The following RECQL4 variants were observed in gnomAD, a reference collection of about 807,000 sequenced individuals.
The protein encoded by RECQL4 is RecQ like helicase 4.
Under a neutral mutation model 128.6 loss-of-function variants are expected in RECQL4, and 158 were observed. The observed-to-expected ratio is 1.23, with a 90% CI of 1.08 to 1.40. The LOEUF is 1.40. RECQL4 is among the 40% of genes most tolerant of loss of function. The pLI is 0.00. For missense variants in RECQL4, 2,293 were observed against 1,649.8 expected (o/e 1.39, Z -6.75); for synonymous variants, 996 against 678.9 (o/e 1.47, Z -7.26).
Position 144,515,946 on chromosome 8 carries a change from G to A in RECQL4, c.1131+42C>T, listed in dbSNP as rs747382437. The A allele has an allele frequency of 6.8e-6, 11 of 1,611,850 alleles. No homozygotes were observed. In the African/African-American group the frequency reaches 9.3e-5, roughly 14 times the overall value. On this transcript the variant is annotated intron_variant, in intron 5 of 20. Coordinates refer to ENST00000617875, the MANE Select transcript of RECQL4 (RefSeq NM_004260.4). ...GGCGGGAAATACGGGAGGGCTGAGG[G>A]GAGGGAAAGGGAATGCCTGTCCTGG...
chr8:144,511,434 G>T lies in RECQL4; in HGVS notation c.3624C>A (p.Arg1208=), dbSNP rs56341125. The change falls in exon 21 of 21, where the codon CGC becomes CGA. Residue 1208 remains arginine (R), a synonymous_variant. Coordinates refer to ENST00000617875, the MANE Select transcript of RECQL4 (RefSeq NM_004260.4). ...GACATCCCCCAATGCAGTGCAGTCA[G>T]CGGGCCACCTGCAGGAGCTCTTCCG... ...LATEELLQVA[R] The T allele has an allele frequency of 1.7e-5, 28 of 1,612,384 alleles. No homozygotes were observed. The African/African-American group carries it at 3.1e-4, about 18-fold the overall frequency.
At position 144,515,971 on chromosome 8, in the gene RECQL4, G is replaced by A. The variant is rs2130714925; in HGVS notation, c.1131+17C>T. ...GGAGGGAAAGGGAATGCCTGTCCTG[G>A]CCCGTCGCTGTCTTACCTGCTTGCG... On this transcript the variant is annotated intron_variant, in intron 5 of 20. Coordinates refer to ENST00000617875, the MANE Select transcript of RECQL4 (RefSeq NM_004260.4). 2.5e-6 allele frequency: 4 copies of A among 1,610,902 alleles called. No individual in the cohort carries two copies. The highest frequency in any genetic ancestry group is 3.4e-6 in the Non-Finnish European group (4 of 1,178,484).
chr8:144,512,247 C>T lies in RECQL4; in HGVS notation c.3133G>A (p.Ala1045Thr), dbSNP rs35348691. The T allele has an allele frequency of 7.9e-4, 1,266 of 1,612,438 alleles. 6 individuals are homozygous for T. The African/African-American group carries it at 0.011, about 14-fold the overall frequency. ...TCACATATCTGGTCCTTCTCCTCAG[C>T]GGTCAAGTCCCCCGGGCTGCGAAGG... ...FHLRSPGDLT[A>T]EEKDQICDFL... Residue 1045 changes from alanine to threonine, a missense_variant, in exon 18 of 21, where the codon GCT becomes ACT. Physicochemically the swap from Ala to Thr is moderately conservative, Grantham distance 58. Transcript: ENST00000617875.
rs931761657 is a variant in RECQL4 at position 144,513,384 on chromosome 8, C to T, written c.2297G>A (p.Arg766Gln). 1.0e-4 allele frequency: 168 copies of T among 1,607,684 alleles called. No individual in the cohort carries two copies. The highest frequency in any genetic ancestry group is 1.2e-4 in the Non-Finnish European group (144 of 1,179,684). ...VQRAFMQGQLRVVVATVAFGM... is the reference protein window; with the variant it reads ...VQRAFMQGQLQVVVATVAFGM... Reference sequence around the variant, plus strand: ...AAAGGCCACCGTGGCCACCACCACCCGCAACTGGCCCTGCATGAAGGCTCG... The same window carrying T: ...AAAGGCCACCGTGGCCACCACCACCTGCAACTGGCCCTGCATGAAGGCTCG... The change falls in exon 14 of 21, where the codon CGG (arginine) becomes CAG (glutamine). Residue 766 changes from arginine (R) to glutamine (Q), a missense_variant. Arg to Gln is a conservative substitution (Grantham distance 43). Coordinates refer to ENST00000617875, the MANE Select transcript of RECQL4 (RefSeq NM_004260.4).
At position 144,517,147 on chromosome 8, in the gene RECQL4, G is replaced by A. The variant is rs1207989827; in HGVS notation, c.257C>T (p.Ala86Val). 6.2e-7 allele frequency: 1 copy of A among 1,610,924 alleles called. No individual in the cohort carries two copies. The highest frequency in any genetic ancestry group is 2.2e-5 in the East Asian group (1 of 44,846). The change falls in exon 4 of 21, where the codon GCG becomes GTG. Residue 86 changes from alanine (A) to valine (V), a missense_variant. By Grantham distance (64) the Ala-to-Val change is moderately conservative. Coordinates refer to ENST00000617875, the MANE Select transcript of RECQL4 (RefSeq NM_004260.4). Reference sequence around the variant, plus strand: ...TGGCGTAGACTGTGGACTCTTGGTCGCAGCCCGATTCAGATGGGGCCCCCA... The same window carrying A: ...TGGCGTAGACTGTGGACTCTTGGTCACAGCCCGATTCAGATGGGGCCCCCA... ...RCWGPHLNRA[A>V]TKSPQSTPGR...
intron 8 of RECQL4, 21 bp from the exon 9 acceptor site, chr8:144,515,093 C>T (rs1176935498): frequency 6.3e-7 from 1 of 1,594,334 alleles, no homozygotes; most frequent in East Asian, 2.3e-5. Context: ...CGGGAGTCAG[C>T]AGCAGGGTTC....
At position 144,514,300 on chromosome 8, in the gene RECQL4, G is replaced by A. The variant is rs1485975717; in HGVS notation, c.1767C>T (p.Gly589=). The A allele has an allele frequency of 3.1e-6, 5 of 1,610,606 alleles. No individual in the cohort carries two copies. Among genetic ancestry groups the A allele is most frequent in the African/African-American group, 2.7e-5 (2 of 74,876 alleles). Residue 589 remains glycine (G), a synonymous_variant, in exon 11 of 21, where the codon GGC becomes GGT. Coordinates refer to ENST00000617875, the MANE Select transcript of RECQL4 (RefSeq NM_004260.4). ...LTPEALVGAG[G]LPPAAQLPPV... is the part of the protein sequence containing the mutation. Reference sequence around the variant, plus strand: ...GAGGCAGCTGTGCGGCTGGAGGGAGGCCTCCCGCCCCCACCAGTGCCTCAG... The same window carrying A: ...GAGGCAGCTGTGCGGCTGGAGGGAGACCTCCCGCCCCCACCAGTGCCTCAG...
intron 6 of RECQL4, 111 bp downstream of exon 6, chr8:144,515,653 G>A (rs888089607): frequency 1.3e-5 from 19 of 1,476,650 alleles, no homozygotes; most frequent in African/African-American, 8.3e-5. Flanking sequence ...GTAGGGCCTG[G>A]ACCAGGGGTA....
chr8:144,512,468 C>T lies in RECQL4; in HGVS notation c.2979G>A (p.Val993=). 6.2e-7 allele frequency: 1 copy of T among 1,612,284 alleles called. No individual in the cohort carries two copies. The highest frequency in any genetic ancestry group is 8.5e-7 in the Non-Finnish European group (1 of 1,179,720). The change falls in exon 17 of 21, where the codon GTG becomes GTA. Residue 993 remains valine (V), a synonymous_variant. Coordinates refer to ENST00000617875, the MANE Select transcript of RECQL4 (RefSeq NM_004260.4). ...AGGCCAGCTCCCAGCCCATGGAGTC[C>T]ACCAGCTTGACCATGTCAAACTCCA... ...SSVEFDMVKL[V]DSMGWELASV... is the part of the protein sequence containing the mutation.
chr8:144,513,601 G>C lies in RECQL4; in HGVS notation c.2170C>G (p.Leu724Val), dbSNP rs536831548. The change falls in exon 13 of 21, where the codon CTG (leucine) becomes GTG (valine). Residue 724 changes from leucine (L) to valine (V), a missense_variant. By Grantham distance (32) the Leu-to-Val change is conservative (BLOSUM62 1). Transcript: ENST00000617875. ...ERIAALLRTC[L>V]HAAWVPGSGG... The stretch of plus-strand genomic sequence containing the variant: ...GACCCTGGGACCCAGGCTGCGTGCA[G>C]GCAGGTTCGGAGGAGCGCAGCGATC... 6.2e-6 allele frequency: 10 copies of C among 1,608,374 alleles called. No individual in the cohort carries two copies. In the East Asian group the frequency reaches 2.2e-4, roughly 36 times the overall value.
chr8:144,512,176 G>A lies in RECQL4; in HGVS notation c.3204C>T (p.Ala1068=), dbSNP rs764423233. The part of the protein sequence containing the change: ...RVQARERQAL[A]RLRRTFQAFH... Reference sequence around the variant, plus strand: ...AGGCCTGGAAGGTTCTGCGCAGACGGGCCAGGGCCTGGCGCTCCCGGGCCT... The same window carrying A: ...AGGCCTGGAAGGTTCTGCGCAGACGAGCCAGGGCCTGGCGCTCCCGGGCCT... Residue 1068 remains alanine (A), a synonymous_variant, in exon 18 of 21, where the codon GCC becomes GCT. Transcript: ENST00000617875. The A allele has an allele frequency of 4.3e-6, 7 of 1,611,446 alleles. No homozygotes were observed. Among genetic ancestry groups the A allele is most frequent in the Admixed American group, 3.3e-5 (2 of 59,918 alleles).
rs1470178984 is a variant in RECQL4 at position 144,513,205 on chromosome 8, G to A, written c.2463+13C>T. ...GCTCGAGCACTGGCAGTGTGGGGGGGGGGGGTGCCAACCTGGGGCTGCAGG... is the reference window on the plus strand; with the variant it reads ...GCTCGAGCACTGGCAGTGTGGGGGGAGGGGGTGCCAACCTGGGGCTGCAGG... On this transcript the variant is annotated intron_variant, in intron 14 of 20. Transcript: ENST00000617875. 7 of 1,563,278 alleles carry A rather than the reference G, an allele frequency of 4.5e-6. No individual in the cohort carries two copies. The highest frequency in any genetic ancestry group is 1.7e-5 in the Admixed American group (1 of 58,184).
chr8:144,515,334 T>C lies in RECQL4; in HGVS notation c.1382A>G (p.Gln461Arg). Residue 461 changes from glutamine (Q) to arginine (R), a missense_variant, in exon 7 of 21, where the codon CAG becomes CGG. Physicochemically the swap from Gln to Arg is conservative, Grantham distance 43. Transcript: ENST00000617875. ...AGAAGCTGACTGCTCACCTGCCAAC[T>C]GCCCTGAGGGCCCCAGGGAGTAGAG... ...LPLYSLGPSG[Q>R]LAETPAEVFQ... The C allele has an allele frequency of 6.2e-7, 1 of 1,612,542 alleles. No homozygotes were observed. Among genetic ancestry groups the C allele is most frequent in the Non-Finnish European group, 8.5e-7 (1 of 1,179,732 alleles).
chr8:144,516,812 T>C, intron 4 of RECQL4, 48 bp from the exon 5 acceptor site: 1 of 1,494,450 alleles, frequency 6.7e-7, no homozygotes, highest in Non-Finnish European at 8.9e-7. Flanking sequence ...GCCCCTGAGC[T>C]ACTGTAGACT....
Position 144,512,939 on chromosome 8 carries a change from T to C in RECQL4, c.2663A>G (p.Gln888Arg), listed in dbSNP as rs1564792721. Residue 888 changes from glutamine (Q) to arginine (R), a missense_variant, in exon 15 of 21, where the codon CAA (glutamine) becomes CGA (arginine). Physicochemically the swap from Gln to Arg is conservative, Grantham distance 43 (BLOSUM62 1). Transcript: ENST00000617875. ...PPQEAEQLSH[Q>R]AAPGPRRVCM... The stretch of plus-strand genomic sequence containing the variant: ...GACCCTTCTGGGTCCTGGGGCTGCT[T>C]GGTGGCTAAGCTGCTCAGCCTCTTG... 1 of 1,576,714 alleles carries C rather than the reference T, an allele frequency of 6.3e-7. No homozygotes were observed. Among genetic ancestry groups the C allele is most frequent in the South Asian group, 1.2e-5 (1 of 86,554 alleles).
chr8:144,516,442 G>A lies in RECQL4; in HGVS notation c.677C>T (p.Ala226Val), dbSNP rs763975196. The change falls in exon 5 of 21, where the codon GCT (alanine) becomes GTT (valine). Residue 226 changes from alanine (A) to valine (V), a missense_variant. Physicochemically the swap from Ala to Val is moderately conservative, Grantham distance 64 (BLOSUM62 0). Coordinates refer to ENST00000617875, the MANE Select transcript of RECQL4 (RefSeq NM_004260.4). ...ESQLLIPGES[A>V]VLGPGAGSQG... ...GGAGCCAGCACCAGGACCAAGGACA[G>A]CCGACTCACCAGGGATCAGAAGTTG... 7 of 1,608,730 alleles carry A rather than the reference G, an allele frequency of 4.4e-6. No homozygotes were observed. The highest frequency in any genetic ancestry group is 5.1e-6 in the Non-Finnish European group (6 of 1,179,786).
Position 144,513,471 on chromosome 8 carries a change from G to A in RECQL4, c.2210C>T (p.Pro737Leu), listed in dbSNP as rs773886849. Reference protein sequence around the residue: ...AWVPGSGGRAPKTTAEAYHAG... With the variant: ...AWVPGSGGRALKTTAEAYHAG... ...GTGGTAGGCCTCGGCTGTGGTTTTG[G>A]GGGCACGACCTTTGGGGAAGACAGG... The change falls in exon 14 of 21, where the codon CCC (proline) becomes CTC (leucine). Residue 737 changes from proline (P) to leucine (L), a missense_variant. Coordinates refer to ENST00000617875, the MANE Select transcript of RECQL4 (RefSeq NM_004260.4). The A allele has an allele frequency of 1.2e-6, 2 of 1,609,754 alleles. No individual in the cohort carries two copies. Among genetic ancestry groups the A allele is most frequent in the African/African-American group, 2.7e-5 (2 of 74,936 alleles).
At chr8:144,513,753 G>C in intron 12 of RECQL4, 41 bp from the exon 13 acceptor site, 1 of 1,500,950 alleles carries the variant, frequency 6.7e-7, no homozygotes, top group Non-Finnish European at 8.9e-7. Flanking sequence ...GGAGTGAGGA[G>C]GGGTCGGCGT....
Position 144,516,495 on chromosome 8 carries a change from G to C in RECQL4, c.624C>G (p.Cys208Trp). Residue 208 changes from cysteine (C) to tryptophan (W), a missense_variant, in exon 5 of 21, where the codon TGC (cysteine) becomes TGG (tryptophan). Physicochemically the swap from Cys to Trp is radical, Grantham distance 215 (BLOSUM62 -2). Transcript: ENST00000617875. The stretch of plus-strand genomic sequence containing the variant: ...ATTCCTCTGAGCCTAGATCAGGCCT[G>C]CAGGCTTTGGGGGCCCCCAGAAAAT... Reference protein sequence around the residue: ...VPDFLGAPKACRPDLGSEESQ... With the variant: ...VPDFLGAPKAWRPDLGSEESQ... 1 of 1,608,876 alleles carries C rather than the reference G, an allele frequency of 6.2e-7. No individual in the cohort carries two copies. The highest frequency in any genetic ancestry group is 8.5e-7 in the Non-Finnish European group (1 of 1,179,658).
Sources: gnomAD v4.1 joint callset for allele counts on GRCh38, gnomAD v4.1.1 for gene constraint, MANE v1.5 for transcripts, NCBI Gene and HGNC (gene_info 2026-07-23, HGNC 2026-07-21) for gene names.